Variants in THUMPD2 observed in about 807,000 individuals in gnomAD.
THUMPD2 encodes U6 snRNA (guanine-N(2))-methyltransferase THUMPD2.
Under a neutral mutation model 49.4 loss-of-function variants are expected in THUMPD2, and 56 were observed. The ratio of observed to expected loss-of-function variants is 1.13; its 90% confidence interval spans 0.91 to 1.41. The LOEUF (loss-of-function observed/expected upper bound fraction) is 1.41. THUMPD2 is among the 40% of genes most tolerant of loss of function. The pLI is 0.00. For synonymous variants in THUMPD2, 237 were observed against 205.2 expected, an observed-to-expected ratio of 1.15 and a Z score of -1.32; for missense variants, 709 against 594.5, an observed-to-expected ratio of 1.19 and a Z score of -2.00.
chr2:39,747,758 G>C (rs1674805767), intron 8 of THUMPD2, among the ~76,000 whole-genome samples: 1 of 152,032 alleles, frequency 6.6e-6, no homozygotes, highest in African/African-American at 2.4e-5. Flanking sequence ...CATATGGAAA[G>C]GGTAAATATT....
At chr2:39,768,372 GTCTT>G (rs1307938417) in intron 4 of THUMPD2, 48 bp downstream of exon 4, 6 of 1,423,996 alleles carry the variant, frequency 4.2e-6, no homozygotes, top group Non-Finnish European at 5.9e-6. Flanking sequence ...ACAGGACACT[GTCTT>G]TAAAGAATTA....
chr2:39,770,829 C>T (rs1678205496), intron 2 of THUMPD2, among the ~76,000 whole-genome samples: 1 of 152,062 alleles, frequency 6.6e-6, no homozygotes, highest in African/African-American at 2.4e-5. Context: ...TTGCCATTTG[C>T]ATCTTTCTTA....
At chr2:39,767,329 G>C (rs980252960) in intron 4 of THUMPD2, among the ~76,000 whole-genome samples, 26 of 152,262 alleles carry the variant, frequency 1.7e-4, no homozygotes, top group African/African-American at 6.0e-4. Flanking sequence ...AGGGGGCCGG[G>C]CGCGGTGGCT....
chr2:39,741,112 G>A (rs1032665412), intron 9 of THUMPD2, among the ~76,000 whole-genome samples: 37 of 152,084 alleles, frequency 2.4e-4, no homozygotes, highest in East Asian at 1.7e-3. Flanking sequence ...ATAATAATAA[G>A]AATACAATAT....
At chr2:39,762,719 C>A (rs1676980223) in intron 5 of THUMPD2, among the ~76,000 whole-genome samples, 2 of 149,806 alleles carry the variant, frequency 1.3e-5, no homozygotes, top group African/African-American at 4.9e-5. Context: ...CTCTAGATAC[C>A]AAAGTTATAA....
At chr2:39,761,709 C>T (rs1352401287) in intron 5 of THUMPD2, among the ~76,000 whole-genome samples, 1 of 152,160 alleles carries the variant, frequency 6.6e-6, no homozygotes, top group Non-Finnish European at 1.5e-5. Context: ...GAAAATCTTT[C>T]TTATACTTCC....
At position 39,748,715 on chromosome 2, in the gene THUMPD2, T is replaced by C. The variant is rs59410494; in HGVS notation, c.1079-4237A>G. On this transcript the variant is annotated intron_variant, in intron 8 of 9. Coordinates refer to ENST00000505747, the MANE Select transcript of THUMPD2 (RefSeq NM_025264.5). ...AAAAAACAAAAAAAGTGGCCAGGTA[T>C]GGGGTGGCTCACACCTGTAATCCCA... 7.8e-3 allele frequency among the ~76,000 whole-genome samples: 1,185 copies of C among 151,594 alleles called. 21 individuals carry two copies. The highest frequency in any genetic ancestry group is 0.027 in the African/African-American group (1,123 of 41,364).
chr2:39,752,854 A>G (rs1675597201), intron 8 of THUMPD2, among the ~76,000 whole-genome samples: 1 of 152,140 alleles, frequency 6.6e-6, no homozygotes, highest in South Asian at 2.1e-4. Flanking sequence ...AGAAGAGTGC[A>G]CTTATGTCCA....
intron 8 of THUMPD2, among the ~76,000 whole-genome samples, chr2:39,753,398 A>G (rs181072510): frequency 3.3e-5 from 5 of 152,238 alleles, no homozygotes; most frequent in Admixed American, 2.6e-4. Context: ...CACCTTCCAG[A>G]AGTCCAAGCA....
chr2:39,768,972 G>A (rs1558532999), intron 3 of THUMPD2: 6 of 1,304,476 alleles, frequency 4.6e-6, no homozygotes, highest in Non-Finnish European at 6.1e-6. Context: ...ACTGAACTTT[G>A]TAAGGGCCAA....
intron 9 of THUMPD2, among the ~76,000 whole-genome samples, chr2:39,742,816 C>T (rs986646276): frequency 6.6e-6 from 1 of 152,096 alleles, no homozygotes; most frequent in East Asian, 1.9e-4. Context: ...TAGCAGGGAT[C>T]AGTATTTTTT....
At chr2:39,743,927 T>TATTTAACAGA (rs1263643472) in intron 9 of THUMPD2, among the ~76,000 whole-genome samples, 2 of 152,206 alleles carry the variant, frequency 1.3e-5, no homozygotes, top group Admixed American at 6.5e-5. Flanking sequence ...GAAGGTTCCT[T>TATTTAACAGA]ATTTAACAGA....
chr2:39,767,898 G>C (rs1366004061), intron 4 of THUMPD2, among the ~76,000 whole-genome samples: 1 of 152,004 alleles, frequency 6.6e-6, no homozygotes, highest in Non-Finnish European at 1.5e-5. Context: ...AACTTTATAA[G>C]ATGGCTTTCA....
At chr2:39,751,813 T>G (rs1211865949) in intron 8 of THUMPD2, among the ~76,000 whole-genome samples, 1 of 150,834 alleles carries the variant, frequency 6.6e-6, no homozygotes, top group Non-Finnish European at 1.5e-5. Context: ...CCCTCCCAAG[T>G]AGGTGGGACT....
chr2:39,768,235 T>C (rs1300690858), intron 4 of THUMPD2, among the ~76,000 whole-genome samples, 189 bp downstream of exon 4: 1 of 152,214 alleles, frequency 6.6e-6, no homozygotes, highest in Non-Finnish European at 1.5e-5. Context: ...CATAAGACAT[T>C]TTCTCAGTGA....
At chr2:39,745,388 AGAG>A in intron 8 of THUMPD2, among the ~76,000 whole-genome samples, 1 of 152,312 alleles carries the variant, frequency 6.6e-6, no homozygotes, top group South Asian at 2.1e-4. Context: ...TAATAGAAGA[AGAG>A]TAGATTGTTC....
intron 1 of THUMPD2, 132 bp from the exon 2 acceptor site, chr2:39,771,772 TG>T: frequency 1.1e-6 from 1 of 923,970 alleles, no homozygotes; most frequent in East Asian, 2.8e-5. Flanking sequence ...TGTCAGGCTC[TG>T]TACTAGGAAC....
intron 1 of THUMPD2, 109 bp from the exon 2 acceptor site, chr2:39,771,749 A>G (rs1410755227): frequency 8.7e-7 from 1 of 1,150,294 alleles, no homozygotes; most frequent in Admixed American, 2.9e-5. Flanking sequence ...CCATTTCTGA[A>G]GTATCTACTA....
intron 1 of THUMPD2, among the ~76,000 whole-genome samples, chr2:39,773,794 C>T (rs888889656): frequency 1.3e-5 from 2 of 151,788 alleles, no homozygotes; most frequent in Non-Finnish European, 2.9e-5. Context: ...AAAACTGCAA[C>T]ATTATTCTAA....
Sources: gnomAD v4.1 joint callset for allele counts (sites outside exome capture counted in the v4.1 genomes callset) on GRCh38, gnomAD v4.1.1 for gene constraint, MANE v1.5 for transcripts, NCBI Gene and HGNC (gene_info 2026-07-23, HGNC 2026-07-21) for gene names.